The following RORA variants were observed in gnomAD, a reference collection of about 807,000 sequenced individuals.
RORA encodes the protein RAR related orphan receptor A.
RORA carries 7 observed loss-of-function variants against 69.5 expected under a neutral mutation model. That is an observed-to-expected ratio of 0.10 (90% CI 0.06 to 0.19). The LOEUF (loss-of-function observed/expected upper bound fraction) is 0.19. Among genes scored for constraint, RORA ranks in the 10% least tolerant of loss-of-function variants. The probability of loss-of-function intolerance (pLI) is 1.00; values close to 1 mark genes in which losing one functional copy is unlikely to be tolerated. For missense variants in RORA, 457 were observed against 663.0 expected (o/e 0.69, Z 3.41); for synonymous variants, 261 against 240.8 (o/e 1.08, Z -0.78).
At chr15:60,967,646 G>A (rs1249487893) in intron 1 of RORA, among the ~76,000 whole-genome samples, 2 of 152,146 alleles carry the variant, frequency 1.3e-5, no homozygotes, top group Non-Finnish European at 2.9e-5. Flanking sequence ...CTCACAGTCT[G>A]GGTCATTCAT....
chr15:61,029,404 G>A (rs1052273683), intron 1 of RORA, among the ~76,000 whole-genome samples: 2 of 152,172 alleles, frequency 1.3e-5, no homozygotes, highest in Admixed American at 6.5e-5. Flanking sequence ...TTGATGTTCT[G>A]TTTATCCTAA....
intron 1 of RORA, among the ~76,000 whole-genome samples, chr15:60,890,202 T>A (rs938100080): frequency 2.6e-5 from 4 of 152,240 alleles, no homozygotes; most frequent in African/African-American, 9.6e-5. Context: ...ACTTTCACGT[T>A]CATTTATTCT....
chr15:60,904,904 A>G (rs938700508), intron 1 of RORA, among the ~76,000 whole-genome samples: 42 of 152,156 alleles, frequency 2.8e-4, no homozygotes, highest in African/African-American at 9.7e-4. Flanking sequence ...TACAGCTCAG[A>G]ATAGCAGGCA....
chr15:60,951,994 G>C (rs1158706802), intron 1 of RORA, among the ~76,000 whole-genome samples: 2 of 149,448 alleles, frequency 1.3e-5, no homozygotes, highest in Non-Finnish European at 3.0e-5. Context: ...CCAAAAAAGA[G>C]AATTTTAGAC....
At chr15:61,018,090 C>G (rs1052347740) in intron 1 of RORA, among the ~76,000 whole-genome samples, 4 of 152,200 alleles carry the variant, frequency 2.6e-5, no homozygotes, top group Non-Finnish European at 4.4e-5. Context: ...ATAGATCCTC[C>G]AAAAGAATGC....
intron 1 of RORA, among the ~76,000 whole-genome samples, chr15:60,681,204 A>G (rs1756031121): frequency 1.3e-5 from 2 of 152,234 alleles, no homozygotes; most frequent in Admixed American, 6.5e-5. Context: ...CATTTCACAG[A>G]TGGGGAAACT....
chr15:60,996,710 A>C (rs1894551059), intron 1 of RORA, among the ~76,000 whole-genome samples: 1 of 152,076 alleles, frequency 6.6e-6, no homozygotes, highest in Admixed American at 6.5e-5. Flanking sequence ...GGAGATCGAG[A>C]CCATCCTGGC....
At chr15:60,997,381 C>T (rs1335708552) in intron 1 of RORA, among the ~76,000 whole-genome samples, 9 of 152,126 alleles carry the variant, frequency 5.9e-5, no homozygotes, top group African/African-American at 7.2e-5. Flanking sequence ...TCGTGCCAAA[C>T]ATGAATCTTC....
At chr15:60,819,242 A>G (rs945812134) in intron 1 of RORA, among the ~76,000 whole-genome samples, 1 of 152,220 alleles carries the variant, frequency 6.6e-6, no homozygotes, top group Non-Finnish European at 1.5e-5. Flanking sequence ...TAACTAATAA[A>G]TGCTTCAGGA....
chr15:60,518,745 G>C (rs1392361751), intron 3 of RORA, among the ~76,000 whole-genome samples: 8 of 152,142 alleles, frequency 5.3e-5, no homozygotes, highest in Non-Finnish European at 1.5e-5. Flanking sequence ...CCTTCCTGTG[G>C]AAAACACCAT....
At chr15:60,855,266 C>G (rs2073366977) in intron 1 of RORA, among the ~76,000 whole-genome samples, 1 of 152,162 alleles carries the variant, frequency 6.6e-6, no homozygotes, top group Non-Finnish European at 1.5e-5. Flanking sequence ...GATGGAGAGA[C>G]ACAGCTTAGC....
At chr15:61,189,660 A>G (rs2079777528) in intron 1 of RORA, among the ~76,000 whole-genome samples, 1 of 152,044 alleles carries the variant, frequency 6.6e-6, no homozygotes, top group Non-Finnish European at 1.5e-5. Context: ...GATCAAGACC[A>G]TCCTGGCTAA....
At chr15:61,134,324 C>A (rs1219512168) in intron 1 of RORA, among the ~76,000 whole-genome samples, 1 of 152,206 alleles carries the variant, frequency 6.6e-6, no homozygotes, top group East Asian at 1.9e-4. Context: ...TTAAGAACAT[C>A]TAGTCCAGTA....
rs544769285 is a variant in RORA at position 60,822,559 on chromosome 15, G to C, written c.167-143873C>G. ...GTTACAGGCTCACATTGCAACTGGG[G>C]ATTTGTGAGATCCACCTCAGAAGAA... On this transcript the variant is annotated intron_variant, in intron 1 of 10. Transcript: ENST00000335670. Among the ~76,000 whole-genome samples, 10 of 152,324 alleles carry C rather than the reference G, an allele frequency of 6.6e-5. No homozygotes were observed. The East Asian group carries it at 1.9e-3, about 29-fold the overall frequency.
chr15:61,223,759 G>A (rs1352930892), intron 1 of RORA, among the ~76,000 whole-genome samples: 1 of 151,956 alleles, frequency 6.6e-6, no homozygotes, highest in Non-Finnish European at 1.5e-5. Flanking sequence ...ACAAGTAAAG[G>A]ACAAAAAATA....
chr15:60,529,229 GT>G (rs1466496613), intron 3 of RORA: 1 of 152,134 alleles, frequency 6.6e-6, no homozygotes, highest in Non-Finnish European at 1.5e-5. Context: ...TATGTCTAAT[GT>G]GAAATTTTTC....
intron 2 of RORA, among the ~76,000 whole-genome samples, chr15:60,589,657 A>G (rs949615849): frequency 1.3e-5 from 2 of 152,232 alleles, no homozygotes; most frequent in African/African-American, 4.8e-5. Flanking sequence ...AGAGTTACTC[A>G]AATGAAGATT....
intron 2 of RORA, among the ~76,000 whole-genome samples, chr15:60,584,631 C>T (rs1055344940): frequency 1.3e-5 from 2 of 152,200 alleles, no homozygotes; most frequent in Non-Finnish European, 2.9e-5. Context: ...AATTACCTAG[C>T]ACACAATAGG....
intron 2 of RORA, among the ~76,000 whole-genome samples, chr15:60,591,873 G>A (rs1039864212): frequency 6.6e-6 from 1 of 151,874 alleles, no homozygotes; most frequent in African/African-American, 2.4e-5. Flanking sequence ...GGGACGCAGG[G>A]GCAGGGCGCA....
Sources: gnomAD v4.1 joint callset for allele counts (sites outside exome capture counted in the v4.1 genomes callset) on GRCh38, gnomAD v4.1.1 for gene constraint, MANE v1.5 for transcripts, NCBI Gene and HGNC (gene_info 2026-07-23, HGNC 2026-07-21) for gene names.